Variants in USH1C observed in about 807,000 individuals in gnomAD.
USH1C encodes the protein harmonin.
Under a neutral mutation model 119.3 loss-of-function variants are expected in USH1C, and 90 were observed. The observed-to-expected ratio is 0.75, with a 90% CI of 0.64 to 0.90. USH1C has a LOEUF of 0.90. Ranked by LOEUF, USH1C falls within the 40% of genes least tolerant of loss-of-function variation. USH1C has a pLI of 0.00. For synonymous variants in USH1C, 465 were observed against 443.3 expected (o/e 1.05, Z -0.62); for missense variants, 1,165 against 1,167.7 (o/e 1.00, Z 0.03).
At chr11:17,518,396 A>T (rs1036062651) in intron 14 of USH1C, among the ~76,000 whole-genome samples, 2 of 152,132 alleles carry the variant, frequency 1.3e-5, no homozygotes, top group African/African-American at 4.8e-5. Context: ...AAGGTTGGAG[A>T]TGTCCTATTT....
At chr11:17,534,433 C>G (rs1334834847) in intron 1 of USH1C, among the ~76,000 whole-genome samples, 1 of 152,220 alleles carries the variant, frequency 6.6e-6, no homozygotes, top group African/African-American at 2.4e-5. Context: ...ACAGTACCTC[C>G]TTCCCTATAA....
Position 17,511,942 on chromosome 11 carries a change from T to A in USH1C, c.1373A>T (p.Glu458Val). 1 of 1,614,110 alleles carries A rather than the reference T, an allele frequency of 6.2e-7. No individual in the cohort carries two copies. The highest frequency in any genetic ancestry group is 2.2e-5 in the East Asian group (1 of 44,892). Residue 458 changes from glutamate (E) to valine (V), a missense_variant, in exon 16 of 27, where the codon GAG becomes GTG. By Grantham distance (121) the Glu-to-Val change is moderately radical. Coordinates refer to ENST00000005226, the MANE Select transcript of USH1C (RefSeq NM_153676.4). ...KLYKEKEEML[E>V]KEKQLKINRL... is the part of the protein sequence containing the mutation. ...GTTGATCTTTAGCTGCTTTTCCTTC[T>A]CCAGCATTTCCTCTTTCTCTTTGTA...
At chr11:17,502,602 C>T (rs760477521) in intron 20 of USH1C, among the ~76,000 whole-genome samples, 8 of 152,226 alleles carry the variant, frequency 5.3e-5, no homozygotes, top group Non-Finnish European at 7.4e-5. Flanking sequence ...CCAGATTCTG[C>T]GGAGCGCAGG....
rs181657109 is a variant in USH1C at position 17,511,841 on chromosome 11, A to C, written c.1413+61T>G. On this transcript the variant is annotated intron_variant, in intron 16 of 26. Coordinates refer to ENST00000005226, the MANE Select transcript of USH1C (RefSeq NM_153676.4). Reference sequence around the variant, plus strand: ...ACTCCAGCTGGTCCTCTGGGAGCACATGGAGAACGACCACATTGTGTCCCA... The same window carrying C: ...ACTCCAGCTGGTCCTCTGGGAGCACCTGGAGAACGACCACATTGTGTCCCA... 89 of 1,569,140 alleles carry C rather than the reference A, an allele frequency of 5.7e-5. No individual in the cohort carries two copies. The East Asian group carries it at 1.5e-3, about 26-fold the overall frequency.
chr11:17,522,585 C>T (rs1850459235), intron 12 of USH1C, among the ~76,000 whole-genome samples, 199 bp downstream of exon 12: 1 of 152,166 alleles, frequency 6.6e-6, no homozygotes, highest in African/African-American at 2.4e-5. Context: ...GGGCTCTGCT[C>T]AGCAAGGAGG....
In USH1C at chr11:17,501,245, G is replaced by A. The variant is rs765993333; in HGVS notation, c.2281-95C>T. 75 of 1,169,198 alleles carry A rather than the reference G, an allele frequency of 6.4e-5. No homozygotes were observed. In the East Asian group the frequency reaches 1.8e-3, roughly 28 times the overall value. The allele number at this position is 1,169,198 out of a possible 1,614,324, so 72.4% of individuals were successfully genotyped here. ...GTCTCTTGACAGAGCCACAGTAAGA[G>A]TGGAAGAAGCCATGGGGTCACCGGC... On this transcript the variant is annotated intron_variant, in intron 22 of 26. Coordinates refer to ENST00000005226, the MANE Select transcript of USH1C (RefSeq NM_153676.4).
intron 18 of USH1C, among the ~76,000 whole-genome samples, chr11:17,507,827 A>C (rs114173175): frequency 0.014 from 2,117 of 152,168 alleles, 50 homozygotes; most frequent in African/African-American, 0.049. Context: ...CCCATCCTCC[A>C]TGTGTTGCCA....
intron 21 of USH1C, 64 bp downstream of exon 21, chr11:17,501,875 C>A: frequency 6.3e-7 from 1 of 1,581,708 alleles, no homozygotes; most frequent in Admixed American, 1.7e-5. Context: ...CTATCAAACC[C>A]TCTAACCCCC....
intron 6 of USH1C, 92 bp from the exon 7 acceptor site, chr11:17,526,902 C>T: frequency 6.3e-7 from 1 of 1,580,860 alleles, no homozygotes; most frequent in Non-Finnish European, 8.6e-7. Flanking sequence ...TCTAGAGCCT[C>T]CAGCCTCCAC....
rs1273979056 is a variant in USH1C at position 17,533,817 on chromosome 11, ATTC to A, written c.37-498_37-496del. 8.8e-6 allele frequency: 4 copies of A among 453,758 alleles called. No individual in the cohort carries two copies. In the East Asian group the frequency reaches 2.8e-4, roughly 32 times the overall value. 28.1% of individuals were successfully genotyped at this position (453,758 alleles called of 1,614,324 possible). On this transcript the variant is annotated intron_variant, in intron 1 of 26. Coordinates refer to ENST00000005226, the MANE Select transcript of USH1C (RefSeq NM_153676.4). ...CTCTCCAGAAGCCCCTTACCACCGA[ATTC>A]TTCTGTAACATCAGTGCCAGGGGAC... is the stretch of plus-strand genomic sequence containing the variant.
At chr11:17,500,491 G>C (rs1849393695) in intron 23 of USH1C, among the ~76,000 whole-genome samples, 1 of 152,242 alleles carries the variant, frequency 6.6e-6, no homozygotes, top group South Asian at 2.1e-4. Context: ...CTGCAAACCA[G>C]ATGAATAGCT....
chr11:17,504,477 T>TC (rs1849563270), intron 20 of USH1C, among the ~76,000 whole-genome samples, 170 bp downstream of exon 20: 1 of 151,992 alleles, frequency 6.6e-6, no homozygotes. Flanking sequence ...TATGATATCC[T>TC]CCCCCACCCC....
intron 20 of USH1C, among the ~76,000 whole-genome samples, chr11:17,503,745 A>G (rs1361851639): frequency 1.3e-5 from 2 of 152,250 alleles, no homozygotes; most frequent in South Asian, 2.1e-4. Flanking sequence ...TAGCTGTGCC[A>G]TCGTGGGCAC....
At chr11:17,498,345 G>A (rs1591956645) in intron 23 of USH1C, 74 bp from the exon 24 acceptor site, 5 of 1,370,282 alleles carry the variant, frequency 3.6e-6, no homozygotes, top group Non-Finnish European at 5.2e-6. Context: ...TGGCAAAGGG[G>A]GGTCATTGCC....
intron 24 of USH1C, among the ~76,000 whole-genome samples, chr11:17,497,196 C>T (rs992619330): frequency 2.6e-5 from 4 of 152,084 alleles, no homozygotes; most frequent in Admixed American, 6.5e-5. Flanking sequence ...TGGGTAATTC[C>T]GACGCACTTT....
intron 12 of USH1C, among the ~76,000 whole-genome samples, chr11:17,522,078 C>T (rs765153866): frequency 3.3e-5 from 5 of 152,194 alleles, no homozygotes; most frequent in Non-Finnish European, 5.9e-5. Context: ...GATGATCTGC[C>T]GGCCTCGACC....
chr11:17,537,101 G>A (rs1432500004), intron 1 of USH1C, among the ~76,000 whole-genome samples: 1 of 152,216 alleles, frequency 6.6e-6, no homozygotes, highest in African/African-American at 2.4e-5. Flanking sequence ...GAGAAAGATG[G>A]AAGTTTCTCT....
chr11:17,501,004 A>G (rs1565021279), intron 23 of USH1C, 47 bp downstream of exon 23: 1 of 1,549,442 alleles, frequency 6.5e-7, no homozygotes, highest in Non-Finnish European at 8.9e-7. Context: ...GGCCCCGTCT[A>G]ACCACTGTAT....
Position 17,495,568 on chromosome 11 carries a change from C to A in USH1C, c.2655+1G>T. ...GCCCTGTGGCCCGCCTGCCTATTCA[C>A]CGTGGGCTCCAGCTGCAGGAGGAAC... On this transcript the variant is annotated splice_donor_variant, in intron 26 of 26. Transcript: ENST00000005226. LOFTEE classifies it high-confidence loss of function. The A allele has an allele frequency of 1.9e-6, 3 of 1,614,032 alleles. No homozygotes were observed. The highest frequency in any genetic ancestry group is 2.5e-6 in the Non-Finnish European group (3 of 1,180,020).
Sources: allele counts gnomAD v4.1 joint callset (sites outside exome capture counted in the v4.1 genomes callset), GRCh38; gene constraint gnomAD v4.1.1; transcripts MANE v1.5; gene names NCBI Gene and HGNC (gene_info 2026-07-23, HGNC 2026-07-21).